ZDHHC3: variants seen among roughly 807,000 people sequenced by gnomAD.
ZDHHC3 encodes the protein zDHHC palmitoyltransferase 3, also known as palmitoyltransferase ZDHHC3.
In ZDHHC3, 9 loss-of-function variants were observed where a neutral mutation model predicts 30.6. The observed-to-expected ratio is 0.29, with a 90% confidence interval of 0.18 to 0.51. The LOEUF (loss-of-function observed/expected upper bound fraction) is 0.51, where lower values mean the gene tolerates loss of function less well. Among genes scored for constraint, ZDHHC3 ranks in the 20% least tolerant of loss-of-function variants. The pLI is 0.97. For synonymous variants in ZDHHC3, 136 were observed against 140.2 expected (o/e 0.97, Z 0.21); for missense variants, 246 against 384.2 (o/e 0.64, Z 3.01).
Position 44,921,789 on chromosome 3 carries a change from A to G in ZDHHC3, c.*4900T>C. The G allele has an allele frequency of 1.0e-6, 1 of 983,806 alleles. No individual in the cohort carries two copies. Among genetic ancestry groups the G allele is most frequent in the Non-Finnish European group, 1.2e-6 (1 of 828,428 alleles). 60.9% of individuals were successfully genotyped at this position (983,806 alleles called of 1,614,324 possible). A position where few individuals can be genotyped will look rare whatever the true frequency, so the allele number is the denominator to read the frequency against. Reference sequence around the variant, plus strand: ...TAGGTGCGGTAATAAGTAGCCAAGCAGACATTTCAACCAAAGACTGAAGCC... The same window carrying G: ...TAGGTGCGGTAATAAGTAGCCAAGCGGACATTTCAACCAAAGACTGAAGCC... On this transcript the variant is annotated 3_prime_UTR_variant, in exon 7 of 7. Coordinates refer to ENST00000424952, the MANE Select transcript of ZDHHC3 (RefSeq NM_001135179.2).
intron 5 of ZDHHC3, chr3:44,932,825 G>A (rs1355650831): frequency 1.2e-5 from 16 of 1,355,564 alleles, no homozygotes; most frequent in Admixed American, 5.2e-5. Flanking sequence ...CATTGGAACC[G>A]GCCTCTGTGC....
In ZDHHC3 at chr3:44,944,806, GC is replaced by G. The variant is rs1026677325; in HGVS notation, c.431+361del. The stretch of plus-strand genomic sequence containing the variant: ...GACATTCACAGAATGATTTTCTAAA[GC>G]TTTTTCTCATGGTACCCTTGTAATA... On this transcript the variant is annotated intron_variant, in intron 3 of 6. Coordinates refer to ENST00000424952, the MANE Select transcript of ZDHHC3 (RefSeq NM_001135179.2). 6.6e-5 allele frequency among the ~76,000 whole-genome samples: 10 copies of G among 152,184 alleles called. 1 individual carries two copies. Among genetic ancestry groups the G allele is most frequent in the Non-Finnish European group, 1.5e-4 (10 of 68,032 alleles).
At position 44,959,285 on chromosome 3, in the gene ZDHHC3, G is replaced by T; in HGVS notation, c.152C>A (p.Thr51Asn). 6.2e-7 allele frequency: 1 copy of T among 1,614,220 alleles called. No homozygotes were observed. Among genetic ancestry groups the T allele is most frequent in the South Asian group, 1.1e-5 (1 of 91,088 alleles). Residue 51 changes from threonine to asparagine, a missense_variant, in exon 2 of 7, where the codon ACC (threonine) becomes AAC (asparagine). Physicochemically the swap from Thr to Asn is moderately conservative, Grantham distance 65. Coordinates refer to ENST00000424952, the MANE Select transcript of ZDHHC3 (RefSeq NM_001135179.2). The surrounding 1 kb of genome is among the most constrained non-coding windows in gnomAD (Gnocchi z 4.3). ...CTCCGCATAGAGGACCAGAAACCAG[G>T]TAACGATGGCACAGGCGATGCCACA... ...DGCGIACAIV[T>N]WFLVLYAEFV... is the part of the protein sequence containing the mutation.
intron 1 of ZDHHC3, among the ~76,000 whole-genome samples, chr3:44,974,571 A>G (rs1040301079): frequency 6.6e-6 from 1 of 152,130 alleles, no homozygotes; most frequent in African/African-American, 2.4e-5. Flanking sequence ...ACACACAAAC[A>G]CATCTAAGTG....
rs1002502402 is a variant in ZDHHC3, at chr3:44,923,074, A to G, written c.*3615T>C. Reference sequence around the variant, plus strand: ...ATGCCAACCTCACATACATGTTTAAAATGTTTGTTTTTTTTTTTTGAGACG... The same window carrying G: ...ATGCCAACCTCACATACATGTTTAAGATGTTTGTTTTTTTTTTTTGAGACG... On this transcript the variant is annotated 3_prime_UTR_variant, in exon 7 of 7. Coordinates refer to ENST00000424952, the MANE Select transcript of ZDHHC3 (RefSeq NM_001135179.2). 3 of 968,878 alleles carry G rather than the reference A, an allele frequency of 3.1e-6. No individual in the cohort carries two copies. The African/African-American group carries it at 5.8e-5, about 19-fold the overall frequency. The allele number at this position is 968,878 out of a possible 1,614,324, so 60.0% of individuals were successfully genotyped here. A position where few individuals can be genotyped will look rare whatever the true frequency, so the allele number is the denominator to read the frequency against.
intron 2 of ZDHHC3, among the ~76,000 whole-genome samples, chr3:44,948,241 GATT>G (rs945461327): frequency 6.6e-6 from 1 of 152,180 alleles, no homozygotes; most frequent in African/African-American, 2.4e-5. Context: ...TGGACCGATG[GATT>G]ATAACAGGCC....
intron 5 of ZDHHC3, among the ~76,000 whole-genome samples, chr3:44,932,390 G>C (rs1463984793): frequency 2.6e-5 from 4 of 152,296 alleles, no homozygotes; most frequent in Admixed American, 1.3e-4. Context: ...AAAAAAGGAG[G>C]CCCATGGAGG....
chr3:44,935,090 G>A (rs1392546430), intron 3 of ZDHHC3, among the ~76,000 whole-genome samples: 1 of 152,062 alleles, frequency 6.6e-6, no homozygotes, highest in Non-Finnish European at 1.5e-5. Context: ...CGGACTACTA[G>A]GGGCTTGAAA....
Position 44,926,319 on chromosome 3 carries a change from T to C in ZDHHC3, c.*370A>G, listed in dbSNP as rs1700986293. 1.0e-6 allele frequency: 1 copy of C among 995,186 alleles called. No individual in the cohort carries two copies. The highest frequency in any genetic ancestry group is 1.2e-6 in the Non-Finnish European group (1 of 836,734). The allele number at this position is 995,186 out of a possible 1,614,324, so 61.6% of individuals were successfully genotyped here. A position where few individuals can be genotyped will look rare whatever the true frequency, so the allele number is the denominator to read the frequency against. On this transcript the variant is annotated 3_prime_UTR_variant, in exon 7 of 7. Transcript: ENST00000424952. Reference sequence around the variant, plus strand: ...TTTCCCATGCATCCCCCACCAGGTGTCCAGACTATTCCATCCACGCACAGC... The same window carrying C: ...TTTCCCATGCATCCCCCACCAGGTGCCCAGACTATTCCATCCACGCACAGC...
chr3:44,926,155 G>A lies in ZDHHC3; in HGVS notation c.*534C>T, dbSNP rs767960789. The stretch of plus-strand genomic sequence containing the variant: ...CAAACCGTGTCCACTTGGGGGATGA[G>A]GTCGCTGTGCCAAGGTCCCTTCTGA... On this transcript the variant is annotated 3_prime_UTR_variant, in exon 7 of 7. Transcript: ENST00000424952. The A allele has an allele frequency of 7.1e-6, 7 of 985,828 alleles. No homozygotes were observed. Among genetic ancestry groups the A allele is most frequent in the Non-Finnish European group, 7.2e-6 (6 of 830,046 alleles). The allele number at this position is 985,828 out of a possible 1,614,324, so 61.1% of individuals were successfully genotyped here.
intron 1 of ZDHHC3, chr3:44,970,038 C>T (rs561778280): frequency 6.6e-6 from 1 of 152,358 alleles, no homozygotes; most frequent in Admixed American, 6.5e-5. Flanking sequence ...TAGGCCAGAG[C>T]TTGGTTGTTT....
At chr3:44,932,353 G>A (rs991391266) in intron 5 of ZDHHC3, among the ~76,000 whole-genome samples, 6 of 152,202 alleles carry the variant, frequency 3.9e-5, no homozygotes, top group African/African-American at 1.2e-4. Flanking sequence ...TATAGGAAGA[G>A]CAAAAGTTCT....
At position 44,925,751 on chromosome 3, in the gene ZDHHC3, T is replaced by C; in HGVS notation, c.*938A>G. On this transcript the variant is annotated 3_prime_UTR_variant, in exon 7 of 7. Coordinates refer to ENST00000424952, the MANE Select transcript of ZDHHC3 (RefSeq NM_001135179.2). ...GAAAGTGAATCCACTTTGAGGTTTA[T>C]AAAATGAGAAGGGGATGATGGTGGG... The C allele has an allele frequency of 1.0e-6, 1 of 985,742 alleles. No homozygotes were observed. The highest frequency in any genetic ancestry group is 1.2e-6 in the Non-Finnish European group (1 of 829,940). 61.1% of individuals were successfully genotyped at this position (985,742 alleles called of 1,614,324 possible).
chr3:44,956,158 G>A (rs1192397781), intron 2 of ZDHHC3, among the ~76,000 whole-genome samples: 1 of 152,198 alleles, frequency 6.6e-6, no homozygotes, highest in Non-Finnish European at 1.5e-5. Flanking sequence ...AAGAACCCAT[G>A]TATGTGAGGG....
rs1700571119 is a variant in ZDHHC3 at position 44,921,266 on chromosome 3, C to T, written c.*5423G>A. 2.0e-6 allele frequency: 2 copies of T among 985,222 alleles called. No individual in the cohort carries two copies. The highest frequency in any genetic ancestry group is 4.7e-5 in the South Asian group (1 of 21,288). 61.0% of individuals were successfully genotyped at this position (985,222 alleles called of 1,614,324 possible). On this transcript the variant is annotated 3_prime_UTR_variant, in exon 7 of 7. Coordinates refer to ENST00000424952, the MANE Select transcript of ZDHHC3 (RefSeq NM_001135179.2). ...CTGTGCAGAACAGACTCAGCTGAGC[C>T]CCACAGAACGAGAACAGGCTGTTCC...
In ZDHHC3 at chr3:44,918,452, C is replaced by A; in HGVS notation, c.*8237G>T. 1.0e-6 allele frequency: 1 copy of A among 985,404 alleles called. No individual in the cohort carries two copies. The highest frequency in any genetic ancestry group is 1.2e-6 in the Non-Finnish European group (1 of 829,922). 61.0% of individuals were successfully genotyped at this position (985,404 alleles called of 1,614,324 possible). ...TTCTTTCCTTCCACAAGTGCAATGCCAGATGATGGGCAGGGGCTAGGCTGA... is the reference window on the plus strand; with the variant it reads ...TTCTTTCCTTCCACAAGTGCAATGCAAGATGATGGGCAGGGGCTAGGCTGA... On this transcript the variant is annotated 3_prime_UTR_variant, in exon 7 of 7. Coordinates refer to ENST00000424952, the MANE Select transcript of ZDHHC3 (RefSeq NM_001135179.2).
Position 44,919,212 on chromosome 3 carries a change from C to G in ZDHHC3, c.*7477G>C. 3.7e-6 allele frequency: 2 copies of G among 537,926 alleles called. No individual in the cohort carries two copies. Among genetic ancestry groups the G allele is most frequent in the Non-Finnish European group, 4.7e-6 (2 of 422,924 alleles). The allele number at this position is 537,926 out of a possible 1,614,324, so 33.3% of individuals were successfully genotyped here. A position where few individuals can be genotyped will look rare whatever the true frequency, so the allele number is the denominator to read the frequency against. On this transcript the variant is annotated 3_prime_UTR_variant, in exon 7 of 7. Coordinates refer to ENST00000424952, the MANE Select transcript of ZDHHC3 (RefSeq NM_001135179.2). ...CAGGGAAGAAACATTGCACGTACCA[C>G]CTTCACCCAATGATCAAAGTTAACA...
chr3:44,974,391 C>T (rs1705697730), intron 1 of ZDHHC3, among the ~76,000 whole-genome samples: 1 of 152,200 alleles, frequency 6.6e-6, no homozygotes, highest in Non-Finnish European at 1.5e-5. Context: ...TTGCTGTCAC[C>T]TCTTAAATCC....
At chr3:44,955,374 C>G (rs1256037043) in intron 2 of ZDHHC3, among the ~76,000 whole-genome samples, 1 of 151,534 alleles carries the variant, frequency 6.6e-6, no homozygotes, top group African/African-American at 2.4e-5. Flanking sequence ...ATAGTGGTTG[C>G]AATTGTTCAG....
Sources: gnomAD v4.1 joint callset for allele counts (sites outside exome capture counted in the v4.1 genomes callset) on GRCh38, gnomAD v4.1.1 for gene constraint, Gnocchi (gnomAD v3.1) non-coding constraint, MANE v1.5 for transcripts, NCBI Gene and HGNC (gene_info 2026-07-23, HGNC 2026-07-21) for gene names.